The following CNDP1 variants were observed in gnomAD, a reference collection of about 807,000 sequenced individuals.
CNDP1 encodes the protein beta-Ala-His dipeptidase.
Under a neutral mutation model 58.1 loss-of-function variants are expected in CNDP1, and 44 were observed. That is an observed-to-expected ratio of 0.76 (90% CI 0.60 to 0.97). CNDP1 has a LOEUF of 0.97. Ranked by LOEUF, CNDP1 falls within the 50% of genes least tolerant of loss-of-function variation. The pLI is 0.00. For synonymous variants in CNDP1, 254 were observed against 252.6 expected (o/e 1.01, Z -0.05); for missense variants, 616 against 655.1 (o/e 0.94, Z 0.65).
intron 11 of CNDP1, chr18:74,584,148 T>G: frequency 3.0e-6 from 1 of 332,428 alleles, no homozygotes; most frequent in South Asian, 3.8e-5. Flanking sequence ...CTATTAGGAA[T>G]GTTTGCTTTA....
At chr18:74,537,153 T>C (rs1023534449) in intron 1 of CNDP1, among the ~76,000 whole-genome samples, 1 of 152,258 alleles carries the variant, frequency 6.6e-6, no homozygotes, top group Non-Finnish European at 1.5e-5. Context: ...ATTCTATTTG[T>C]CAATTTTTGC....
At chr18:74,551,192 T>G (rs963629429) in intron 1 of CNDP1, among the ~76,000 whole-genome samples, 67 of 152,032 alleles carry the variant, frequency 4.4e-4, no homozygotes, top group Non-Finnish European at 1.0e-4. Context: ...CCTTGAGACC[T>G]CCTCACAAGG....
At chr18:74,570,482 C>A (rs1277372655) in intron 6 of CNDP1, among the ~76,000 whole-genome samples, 1 of 152,100 alleles carries the variant, frequency 6.6e-6, no homozygotes, top group East Asian at 1.9e-4. Flanking sequence ...ACTGCCAAGT[C>A]CTCTGATAAG....
At position 74,581,101 on chromosome 18, in the gene CNDP1, C is replaced by T. The variant is rs77404881; in HGVS notation, c.1309+830C>T. On this transcript the variant is annotated intron_variant, in intron 10 of 11. Coordinates refer to ENST00000358821, the MANE Select transcript of CNDP1 (RefSeq NM_032649.6). ...CCCTGGGCTGGCCGGCAGGGATCTG[C>T]TCTTCCTGGTCACAAAGAGACTGGG... Among the ~76,000 whole-genome samples, 296 of 152,260 alleles carry T rather than the reference C, an allele frequency of 1.9e-3. 1 individual carries two copies. The highest frequency in any genetic ancestry group is 6.8e-3 in the African/African-American group (282 of 41,506).
intron 7 of CNDP1, among the ~76,000 whole-genome samples, chr18:74,574,327 G>A (rs538721161): frequency 2.0e-5 from 3 of 152,376 alleles, no homozygotes; most frequent in African/African-American, 4.8e-5. Context: ...TTAGTATGCA[G>A]GGGAGGCAGG....
Position 74,579,173 on chromosome 18 carries a change from TC to T in CNDP1, c.1167+847del, listed in dbSNP as rs1981711985. On this transcript the variant is annotated intron_variant, in intron 9 of 11. Transcript: ENST00000358821. ...TGCCCTCTCTCCTCCCTCTCTCCCT[TC>T]TCCCTTCTCCCTTTCCTTCCCTTCC... Among the ~76,000 whole-genome samples the T allele has an allele frequency of 2.2e-5, 3 of 138,048 alleles. No homozygotes were observed. The South Asian group carries it at 8.0e-4, about 37-fold the overall frequency. 90.6% of individuals were successfully genotyped at this position (138,048 alleles called of 152,430 possible).
intron 1 of CNDP1, among the ~76,000 whole-genome samples, chr18:74,551,521 C>T (rs1001810179): frequency 6.6e-6 from 1 of 152,132 alleles, no homozygotes; most frequent in Non-Finnish European, 1.5e-5. Flanking sequence ...TTGACTATAG[C>T]AGGCTGCCCT....
At chr18:74,561,299 C>A in intron 4 of CNDP1, 1 of 277,236 alleles carries the variant, frequency 3.6e-6, no homozygotes, top group East Asian at 6.6e-5. Flanking sequence ...GCCTGTAATC[C>A]CAGCTACTTG....
chr18:74,567,688 T>C (rs1981366503), intron 6 of CNDP1, among the ~76,000 whole-genome samples: 1 of 152,164 alleles, frequency 6.6e-6, no homozygotes, highest in South Asian at 2.1e-4. Context: ...GGTTTGTGAC[T>C]TACAAAGCAA....
At chr18:74,547,733 G>A (rs907058513) in intron 1 of CNDP1, among the ~76,000 whole-genome samples, 1 of 152,220 alleles carries the variant, frequency 6.6e-6, no homozygotes, top group Non-Finnish European at 1.5e-5. Context: ...AGAAAGAGGA[G>A]AACAAGATGT....
intron 1 of CNDP1, among the ~76,000 whole-genome samples, chr18:74,549,307 G>A (rs981883297): frequency 1.3e-5 from 2 of 152,178 alleles, no homozygotes; most frequent in African/African-American, 4.8e-5. Context: ...TGTTAACATT[G>A]TTCTTGAACA....
intron 1 of CNDP1, among the ~76,000 whole-genome samples, chr18:74,544,995 TG>T (rs1352973676): frequency 6.6e-6 from 1 of 152,006 alleles, no homozygotes; most frequent in African/African-American, 2.4e-5. Flanking sequence ...AGGCAGAGAC[TG>T]GAAGGACACA....
At position 74,584,492 on chromosome 18, in the gene CNDP1, T is replaced by C. The variant is rs1266178946; in HGVS notation, c.1458-4T>C. On this transcript the variant is annotated splice_polypyrimidine_tract_variant and splice_region_variant and intron_variant, in intron 11 of 11. Transcript: ENST00000358821. ...AAATTTCTCTTTGTTTTTCCTCTTC[T>C]TAGGTGGAACTACATAGAGGGAACC... 6.2e-7 allele frequency: 1 copy of C among 1,607,884 alleles called. No homozygotes were observed. The highest frequency in any genetic ancestry group is 2.2e-5 in the East Asian group (1 of 44,842).
At position 74,567,881 on chromosome 18, in the gene CNDP1, G is replaced by A. The variant is rs117936739; in HGVS notation, c.756+448G>A. Among the ~76,000 whole-genome samples, 571 of 152,260 alleles carry A rather than the reference G, an allele frequency of 3.8e-3. 12 individuals are homozygous for A. The highest frequency in any genetic ancestry group is 0.028 in the Admixed American group (424 of 15,292). The stretch of plus-strand genomic sequence containing the variant: ...GGGAAAGAGAAGGAACATTGGTGTC[G>A]CCCGAGGCCAGCATCTGAATCCTAG... On this transcript the variant is annotated intron_variant, in intron 6 of 11. Transcript: ENST00000358821.
Position 74,584,546 on chromosome 18 carries a change from T to C in CNDP1, c.1508T>C (p.Met503Thr), listed in dbSNP as rs1331179667. The change falls in exon 12 of 12, where the codon ATG becomes ACG. Residue 503 changes from methionine (M) to threonine (T), a missense_variant. Coordinates refer to ENST00000358821, the MANE Select transcript of CNDP1 (RefSeq NM_032649.6). ...TTATTTGCTGCCTTTTTCTTAGAGATGGCCCAGCTCCATTAATCACAAGAA... is the reference window on the plus strand; with the variant it reads ...TTATTTGCTGCCTTTTTCTTAGAGACGGCCCAGCTCCATTAATCACAAGAA... ...TKLFAAFFLE[M>T]AQLH The C allele has an allele frequency of 4.3e-6, 7 of 1,613,536 alleles. No homozygotes were observed. In the Admixed American group the frequency reaches 6.7e-5, roughly 15 times the overall value.
chr18:74,578,429 T>A (rs962225856), intron 9 of CNDP1, 102 bp downstream of exon 9: 56 of 1,123,388 alleles, frequency 5.0e-5, no homozygotes, highest in Non-Finnish European at 6.8e-5. Context: ...CATTGGAGTA[T>A]CATTTTTTTC....
chr18:74,584,748 T>C lies in CNDP1; in HGVS notation c.*186T>C, dbSNP rs1377837251. ...ATTTCAAAGGCACAGATGTTGGAAATGGTTTAAGGTCCCCCACTGCACACC... is the reference window on the plus strand; with the variant it reads ...ATTTCAAAGGCACAGATGTTGGAAACGGTTTAAGGTCCCCCACTGCACACC... On this transcript the variant is annotated 3_prime_UTR_variant, in exon 12 of 12. Transcript: ENST00000358821. 1.6e-5 allele frequency: 9 copies of C among 572,354 alleles called. No individual in the cohort carries two copies. In the East Asian group the frequency reaches 2.0e-4, roughly 13 times the overall value. The allele number at this position is 572,354 out of a possible 1,614,324, so 35.5% of individuals were successfully genotyped here.
chr18:74,574,055 G>A (rs7506825), intron 7 of CNDP1, among the ~76,000 whole-genome samples: 96,929 of 151,928 alleles, frequency 0.64, 31,642 homozygotes, highest in African/African-American at 0.76. Flanking sequence ...GGAGATGCCC[G>A]GACTTCCAGG....
chr18:74,540,149 G>A (rs1324928926), intron 1 of CNDP1, among the ~76,000 whole-genome samples: 1 of 150,784 alleles, frequency 6.6e-6, no homozygotes, highest in Non-Finnish European at 1.5e-5. Context: ...CATTTGTGTG[G>A]TATAAATCTT....
Sources: gnomAD v4.1 joint callset for allele counts (sites outside exome capture counted in the v4.1 genomes callset) on GRCh38, gnomAD v4.1.1 for gene constraint, MANE v1.5 for transcripts, NCBI Gene and HGNC (gene_info 2026-07-23, HGNC 2026-07-21) for gene names.